LAMA5: variants seen among roughly 807,000 people sequenced by gnomAD.
LAMA5 encodes the protein laminin subunit alpha-5.
LAMA5 carries 260 observed loss-of-function variants against 433.4 expected under a neutral mutation model. The ratio of observed to expected loss-of-function variants is 0.60; its 90% confidence interval spans 0.54 to 0.66. The LOEUF (loss-of-function observed/expected upper bound fraction) is 0.66. Ranked by LOEUF, LAMA5 falls within the 30% of genes least tolerant of loss-of-function variation. The probability of loss-of-function intolerance (pLI) is 0.00; values close to 1 mark genes in which losing one functional copy is unlikely to be tolerated. For synonymous variants in LAMA5, 2,620 were observed against 2,226.6 expected, an observed-to-expected ratio of 1.18 and a Z score of -4.97; for missense variants, 5,378 against 5,258.5, an observed-to-expected ratio of 1.02 and a Z score of -0.70.
intron 21 of LAMA5, 28 bp from the exon 22 acceptor site, chr20:62,334,370 C>T (rs915871875): frequency 2.6e-6 from 4 of 1,568,448 alleles, no homozygotes; most frequent in Admixed American, 1.9e-5. Context: ...TGGTCAGGTG[C>T]AGCTTGGCCA....
chr20:62,316,249 G>A (rs1986917978), intron 57 of LAMA5, 191 bp from the exon 58 acceptor site: 1 of 597,576 alleles, frequency 1.7e-6, no homozygotes, highest in East Asian at 2.8e-5. Context: ...GTTCCCTGAA[G>A]GCCTCTGGTC....
At position 62,318,836 on chromosome 20, in the gene LAMA5, C is replaced by T; in HGVS notation, c.7042+7G>A. 6.2e-7 allele frequency: 1 copy of T among 1,609,944 alleles called. No homozygotes were observed. Among genetic ancestry groups the T allele is most frequent in the Non-Finnish European group, 8.5e-7 (1 of 1,179,262 alleles). On this transcript the variant is annotated splice_region_variant and intron_variant, in intron 52 of 79. Transcript: ENST00000252999. Reference sequence around the variant, plus strand: ...CCACCCCGCCTGCCAGGGACAACACCACTCACATCTCTGTGCTGCAGCCAA... The same window carrying T: ...CCACCCCGCCTGCCAGGGACAACACTACTCACATCTCTGTGCTGCAGCCAA...
Position 62,320,801 on chromosome 20 carries a change from T to C in LAMA5, c.6586A>G (p.Asn2196Asp), listed in dbSNP as rs531988609. 1.2e-6 allele frequency: 2 copies of C among 1,612,628 alleles called. No individual in the cohort carries two copies. The highest frequency in any genetic ancestry group is 1.7e-5 in the Admixed American group (1 of 59,964). Residue 2196 changes from asparagine to aspartate, a missense_variant, in exon 49 of 80, where the codon AAT becomes GAT. Asn to Asp is a conservative substitution (Grantham distance 23). Transcript: ENST00000252999. ...CGGGCCCAGGCCATGGAGCTGGCATTGATGCCACGCAGTTGCTCGTGAATG... is the reference window on the plus strand; with the variant it reads ...CGGGCCCAGGCCATGGAGCTGGCATCGATGCCACGCAGTTGCTCGTGAATG... The part of the protein sequence containing the change: ...PAIHEQLRGI[N>D]ASSMAWARLH...
In LAMA5 at chr20:62,335,279, G is replaced by A. The variant is rs1295313531; in HGVS notation, c.2324-10C>T. 1 of 1,611,748 alleles carries A rather than the reference G, an allele frequency of 6.2e-7. No individual in the cohort carries two copies. Among genetic ancestry groups the A allele is most frequent in the Admixed American group, 1.7e-5 (1 of 59,906 alleles). On this transcript the variant is annotated splice_polypyrimidine_tract_variant and intron_variant, in intron 18 of 79. Coordinates refer to ENST00000252999, the MANE Select transcript of LAMA5 (RefSeq NM_005560.6). The stretch of plus-strand genomic sequence containing the variant: ...AGGTCGCAGCTGCAGCCTGGGGAGA[G>A]CAGGGCAGGACTCAGATGCTTGGTG...
chr20:62,329,280 C>T lies in LAMA5; in HGVS notation c.4120-27G>A, dbSNP rs749857469. 45 of 1,558,046 alleles carry T rather than the reference C, an allele frequency of 2.9e-5. No individual in the cohort carries two copies. In the Middle Eastern group the frequency reaches 5.0e-4, roughly 17 times the overall value. ...TAGGGGGTGAGGCCTGGTCACTCTC[C>T]CGCGGGCCCAGAGCCTGCAGCGGGG... On this transcript the variant is annotated intron_variant, in intron 32 of 79. Coordinates refer to ENST00000252999, the MANE Select transcript of LAMA5 (RefSeq NM_005560.6).
chr20:62,346,145 G>A lies in LAMA5; in HGVS notation c.1353C>T (p.Pro451=), dbSNP rs772736093. 27 of 1,613,104 alleles carry A rather than the reference G, an allele frequency of 1.7e-5. No individual in the cohort carries two copies. Among genetic ancestry groups the A allele is most frequent in the Non-Finnish European group, 2.2e-5 (26 of 1,179,990 alleles). Residue 451 remains proline, a synonymous_variant, in exon 10 of 80, where the codon CCC becomes CCT. Transcript: ENST00000252999. The stretch of plus-strand genomic sequence containing the variant: ...CGTCACACCGCTCCCCAGAGAAGTT[G>A]GGCCGGCAGTAGCATCGACCCGTCA... The part of the protein sequence containing the change: ...EDLTGRCYCR[P]NFSGERCDVC...
chr20:62,364,121 G>T (rs1267080258), intron 1 of LAMA5, among the ~76,000 whole-genome samples: 1 of 152,216 alleles, frequency 6.6e-6, no homozygotes, highest in African/African-American at 2.4e-5. Context: ...TCTCGTGGAT[G>T]GGGCTAGAGC....
chr20:62,316,516 C>G (rs1431110446), intron 57 of LAMA5, among the ~76,000 whole-genome samples, 155 bp downstream of exon 57: 1 of 152,164 alleles, frequency 6.6e-6, no homozygotes. Context: ...GGCTGACACA[C>G]AAGCAGCTGG....
rs1981898293 is a variant in LAMA5 at position 62,337,646 on chromosome 20, GTCAC to G, written c.2104_2107del (p.Val702ArgfsTer63). On this transcript the variant is annotated frameshift_variant, in exon 16 of 80. Coordinates refer to ENST00000252999, the MANE Select transcript of LAMA5 (RefSeq NM_005560.6). LOFTEE classifies it high-confidence loss of function. ...CACACATGTGTCACACCGCAGCCCC[GTCAC>G]ACGGGGCCGGCAGCTGCACTGCCCA... 1 of 1,612,244 alleles carries G rather than the reference GTCAC, an allele frequency of 6.2e-7. No homozygotes were observed. Among genetic ancestry groups the G allele is most frequent in the Non-Finnish European group, 8.5e-7 (1 of 1,179,790 alleles).
At position 62,314,348 on chromosome 20, in the gene LAMA5, G is replaced by A. The variant is rs377471638; in HGVS notation, c.8460C>T (p.Ile2820=). The part of the protein sequence containing the change: ...LGEAGPAVLS[I]DEDIGEQFAA... ...CGAACTGCTCCCCAATGTCCTCATC[G>A]ATGCTTAGGACTGCAGGGCCCGCCT... The change falls in exon 62 of 80, where the codon ATC becomes ATT. Residue 2820 remains isoleucine (I), a synonymous_variant. Transcript: ENST00000252999. 112 of 1,613,234 alleles carry A rather than the reference G, an allele frequency of 6.9e-5. No individual in the cohort carries two copies. Among genetic ancestry groups the A allele is most frequent in the Non-Finnish European group, 8.6e-5 (101 of 1,179,918 alleles).
intron 11 of LAMA5, chr20:62,342,302 C>CAAA: frequency 1.2e-5 from 4 of 325,416 alleles, no homozygotes; most frequent in Non-Finnish European, 2.4e-5. Context: ...AACTCCATCT[C>CAAA]AAAAAAAAAA....
chr20:62,336,636 G>A (rs1981678936), intron 17 of LAMA5, 98 bp downstream of exon 17: 2 of 1,438,896 alleles, frequency 1.4e-6, no homozygotes, highest in African/African-American at 1.4e-5. Context: ...CATGGCAACT[G>A]AGCAGCAGGC....
At chr20:62,338,431 A>T (rs1982050047) in intron 12 of LAMA5, 37 bp downstream of exon 12, 1 of 1,607,990 alleles carries the variant, frequency 6.2e-7, no homozygotes. Context: ...GTCCACCTCG[A>T]GCGCAGGTAG....
In LAMA5 at chr20:62,352,395, C is replaced by G. The variant is rs377382663; in HGVS notation, c.569-35G>C. On this transcript the variant is annotated intron_variant, in intron 3 of 79. Transcript: ENST00000252999. ...ATGGCGGGAGGGGAGGGCGCTGGAT[C>G]ACCAGAAAAGCCTGGGTCCCCGCGG... 252 of 1,547,098 alleles carry G rather than the reference C, an allele frequency of 1.6e-4. 2 individuals are homozygous for G. The highest frequency in any genetic ancestry group is 2.4e-5 in the Non-Finnish European group (27 of 1,137,376).
intron 2 of LAMA5, among the ~76,000 whole-genome samples, chr20:62,358,459 G>A (rs551254837): frequency 1.1e-3 from 160 of 152,312 alleles, no homozygotes; most frequent in South Asian, 1.9e-3. Context: ...CCCACTGACC[G>A]TCCTGGGGCA....
chr20:62,336,275 G>A (rs1981610342), intron 18 of LAMA5, 65 bp downstream of exon 18: 4 of 1,209,478 alleles, frequency 3.3e-6, no homozygotes, highest in East Asian at 2.4e-5. Flanking sequence ...ACTCCCTCCA[G>A]GATATACTTG....
chr20:62,312,536 T>TGGGGAAGC lies in LAMA5; in HGVS notation c.9228-12_9228-5dup, dbSNP rs761318915. The TGGGGAAGC allele has an allele frequency of 1.4e-4, 231 of 1,599,438 alleles. No homozygotes were observed. Among genetic ancestry groups the TGGGGAAGC allele is most frequent in the Admixed American group, 1.1e-3 (66 of 59,910 alleles). ...GGTGGGGAAGAGCCGTCGCAGGCTG[T>TGGGGAAGC]GGGGAAGCGGGGATGCGGGTCAGGG... On this transcript the variant is annotated splice_polypyrimidine_tract_variant and splice_region_variant and intron_variant, in intron 67 of 79. Coordinates refer to ENST00000252999, the MANE Select transcript of LAMA5 (RefSeq NM_005560.6).
rs772413320 is a variant in LAMA5 at position 62,332,677 on chromosome 20, C to T, written c.3323G>A (p.Arg1108His). The change falls in exon 27 of 80, where the codon CGC becomes CAC. Residue 1108 changes from arginine (R) to histidine (H), a missense_variant. Physicochemically the swap from Arg to His is conservative, Grantham distance 29. Transcript: ENST00000252999. ...QLQVAVPQPG[R>H]YALVVEYANE... is the part of the protein sequence containing the mutation. ...GGCGTACTCCACCACTAGGGCATAG[C>T]GGCCTGGCTGTGGCACTGCCACTTG... 9.3e-6 allele frequency: 15 copies of T among 1,610,946 alleles called. No homozygotes were observed. Among genetic ancestry groups the T allele is most frequent in the Admixed American group, 6.7e-5 (4 of 59,550 alleles).
chr20:62,312,060 G>GCAGCCAGGT lies in LAMA5; in HGVS notation c.9505-19_9505-11dup. ...CCTGGCATAGCCCATCCTGGGGACG[G>GCAGCCAGGT]CAGCCAGGTCAGCCGGCCGGCCTGG... On this transcript the variant is annotated splice_polypyrimidine_tract_variant and intron_variant, in intron 69 of 79. Coordinates refer to ENST00000252999, the MANE Select transcript of LAMA5 (RefSeq NM_005560.6). 6.2e-7 allele frequency: 1 copy of GCAGCCAGGT among 1,610,766 alleles called. No individual in the cohort carries two copies. Among genetic ancestry groups the GCAGCCAGGT allele is most frequent in the African/African-American group, 1.3e-5 (1 of 75,016 alleles).
Sources: allele counts gnomAD v4.1 joint callset (sites outside exome capture counted in the v4.1 genomes callset), GRCh38; gene constraint gnomAD v4.1.1; transcripts MANE v1.5; gene names NCBI Gene and HGNC (gene_info 2026-07-23, HGNC 2026-07-21).